PTPRK: variants seen among roughly 807,000 people sequenced by gnomAD.
PTPRK encodes protein tyrosine phosphatase receptor type K, also known as receptor-type tyrosine-protein phosphatase kappa.
Under a neutral mutation model 178.0 loss-of-function variants are expected in PTPRK, and 75 were observed. The observed-to-expected ratio is 0.42, with a 90% confidence interval of 0.35 to 0.51. The LOEUF (loss-of-function observed/expected upper bound fraction) is 0.51. Ranked by LOEUF, PTPRK falls within the 20% of genes least tolerant of loss-of-function variation. PTPRK has a pLI of 0.02. For synonymous variants in PTPRK, 637 were observed against 620.6 expected, an observed-to-expected ratio of 1.03 and a Z score of -0.39; for missense variants, 1,441 against 1,797.8, an observed-to-expected ratio of 0.80 and a Z score of 3.59.
At chr6:128,373,512 C>T (rs1385118633) in intron 2 of PTPRK, among the ~76,000 whole-genome samples, 1 of 152,114 alleles carries the variant, frequency 6.6e-6, no homozygotes, top group Non-Finnish European at 1.5e-5. Context: ...GGCATTAATC[C>T]TTTATAAAGA....
intron 2 of PTPRK, among the ~76,000 whole-genome samples, chr6:128,359,709 G>A (rs539256156): frequency 1.3e-4 from 19 of 151,902 alleles, no homozygotes; most frequent in Non-Finnish European, 1.9e-4. Context: ...CTGAGATCAC[G>A]CCACTGCACT....
At chr6:128,503,437 C>T (rs1855853471) in intron 1 of PTPRK, among the ~76,000 whole-genome samples, 1 of 152,130 alleles carries the variant, frequency 6.6e-6, no homozygotes, top group Non-Finnish European at 1.5e-5. Context: ...TTTTGTACCT[C>T]CCACTCTTAA....
At chr6:128,293,621 C>T (rs1298642654) in intron 3 of PTPRK, among the ~76,000 whole-genome samples, 1 of 152,002 alleles carries the variant, frequency 6.6e-6, no homozygotes, top group Non-Finnish European at 1.5e-5. Context: ...ACATCACTTA[C>T]CAGTATCTCA....
chr6:128,225,030 G>T (rs1375665653), intron 5 of PTPRK, among the ~76,000 whole-genome samples: 2 of 152,068 alleles, frequency 1.3e-5, no homozygotes, highest in African/African-American at 4.8e-5. Context: ...TATCCTAAAA[G>T]AAATATGGTA....
At chr6:128,375,277 G>A (rs752413337) in intron 2 of PTPRK, among the ~76,000 whole-genome samples, 1 of 151,784 alleles carries the variant, frequency 6.6e-6, no homozygotes, top group Non-Finnish European at 1.5e-5. Flanking sequence ...AGGAAAAGGG[G>A]TTCAATGGAC....
chr6:128,404,412 T>C (rs1462002133), intron 1 of PTPRK, among the ~76,000 whole-genome samples: 1 of 152,252 alleles, frequency 6.6e-6, no homozygotes, highest in Non-Finnish European at 1.5e-5. Flanking sequence ...TATCTCCTAC[T>C]ATGCTTCACT....
intron 6 of PTPRK, among the ~76,000 whole-genome samples, chr6:128,209,117 T>A (rs1170814975): frequency 6.6e-6 from 1 of 151,846 alleles, no homozygotes; most frequent in Non-Finnish European, 1.5e-5. Context: ...TCATCTCAAG[T>A]TTTTAAAATT....
intron 7 of PTPRK, among the ~76,000 whole-genome samples, chr6:128,130,553 T>G (rs1448924301): frequency 6.6e-6 from 1 of 152,164 alleles, no homozygotes; most frequent in Non-Finnish European, 1.5e-5. Context: ...TAATCCAAGG[T>G]AGTGAGATAA....
At chr6:128,313,322 A>C (rs1264409515) in intron 3 of PTPRK, among the ~76,000 whole-genome samples, 2 of 152,142 alleles carry the variant, frequency 1.3e-5, no homozygotes. Context: ...TAATTGTTAT[A>C]TTGTCTTTAT....
At chr6:128,488,924 C>CAA (rs920447833) in intron 1 of PTPRK, among the ~76,000 whole-genome samples, 2 of 140,882 alleles carry the variant, frequency 1.4e-5, no homozygotes, top group African/African-American at 5.2e-5. Context: ...TACTCACACA[C>CAA]AAAAAAAAAA....
chr6:128,007,544 TC>T (rs1471724905), intron 14 of PTPRK, among the ~76,000 whole-genome samples: 2 of 150,890 alleles, frequency 1.3e-5, no homozygotes, highest in African/African-American at 4.8e-5. Flanking sequence ...CATTTTACCT[TC>T]CCCCAAAATC....
At chr6:128,493,587 C>T (rs1309593202) in intron 1 of PTPRK, among the ~76,000 whole-genome samples, 80 of 120,594 alleles carry the variant, frequency 6.6e-4, no homozygotes, top group African/African-American at 2.4e-3. Context: ...TACCTCCCGC[C>T]CCCTACACAC....
At chr6:128,083,633 A>G in intron 9 of PTPRK, 82 bp downstream of exon 9, 1 of 702,736 alleles carries the variant, frequency 1.4e-6, no homozygotes, top group Non-Finnish European at 2.2e-6. Context: ...CGTCTTTTCC[A>G]TATTTCCCTC....
intron 1 of PTPRK, among the ~76,000 whole-genome samples, chr6:128,472,877 T>G (rs1850885592): frequency 6.6e-6 from 1 of 152,118 alleles, no homozygotes; most frequent in South Asian, 2.1e-4. Context: ...ATGCCCCTTC[T>G]TTTCTGCATT....
chr6:128,438,978 G>A (rs1845957209), intron 1 of PTPRK, among the ~76,000 whole-genome samples: 1 of 152,000 alleles, frequency 6.6e-6, no homozygotes, highest in Admixed American at 6.6e-5. Context: ...ATTCCAATTA[G>A]AACTCCAAAC....
chr6:128,258,472 A>C (rs1458868367), intron 3 of PTPRK, among the ~76,000 whole-genome samples: 1 of 152,236 alleles, frequency 6.6e-6, no homozygotes, highest in African/African-American at 2.4e-5. Context: ...AAAATGAAAT[A>C]AAGGAAACAA....
At chr6:128,084,584 C>G (rs1412952496) in intron 8 of PTPRK, among the ~76,000 whole-genome samples, 1 of 152,166 alleles carries the variant, frequency 6.6e-6, no homozygotes, top group African/African-American at 2.4e-5. Context: ...ATTTGAAGAG[C>G]CTTTGCTTCA....
intron 1 of PTPRK, among the ~76,000 whole-genome samples, chr6:128,436,036 T>C (rs1361733732): frequency 6.6e-6 from 1 of 151,040 alleles, no homozygotes; most frequent in Non-Finnish European, 1.5e-5. Flanking sequence ...TTTTACCTCT[T>C]AACACTTTGT....
intron 3 of PTPRK, among the ~76,000 whole-genome samples, chr6:128,317,058 C>A (rs1264776467): frequency 3.3e-5 from 5 of 152,030 alleles, no homozygotes; most frequent in African/African-American, 1.2e-4. Flanking sequence ...TAAAAATAAG[C>A]CACGATGACC....
Sources: gnomAD v4.1 joint callset for allele counts (sites outside exome capture counted in the v4.1 genomes callset) on GRCh38, gnomAD v4.1.1 for gene constraint, MANE v1.5 for transcripts, NCBI Gene and HGNC (gene_info 2026-07-23, HGNC 2026-07-21) for gene names.